Variants in NR5A2 observed in about 807,000 individuals in gnomAD.
NR5A2 encodes the protein CYP7A promoter-binding factor.
Under a neutral mutation model 62.7 loss-of-function variants are expected in NR5A2, and 26 were observed. That is an observed-to-expected ratio of 0.41 (90% CI 0.30 to 0.58). The LOEUF (loss-of-function observed/expected upper bound fraction) is 0.58, where lower values mean the gene tolerates loss of function less well. Ranked by LOEUF, NR5A2 falls within the 20% of genes least tolerant of loss-of-function variation. The pLI, the probability that NR5A2 is intolerant of heterozygous loss-of-function variation, is 0.22. For synonymous variants in NR5A2, 246 were observed against 241.7 expected, an observed-to-expected ratio of 1.02 and a Z score of -0.16; for missense variants, 541 against 669.1, an observed-to-expected ratio of 0.81 and a Z score of 2.11.
intron 7 of NR5A2, among the ~76,000 whole-genome samples, chr1:200,133,504 A>AATATAT (rs1571532437): frequency 9.0e-6 from 1 of 110,720 alleles, no homozygotes; most frequent in East Asian, 2.6e-4. Context: ...TCACTGATGG[A>AATATAT]CTATATATAT....
At chr1:200,126,543 A>G (rs1666707972) in intron 7 of NR5A2, among the ~76,000 whole-genome samples, 1 of 152,202 alleles carries the variant, frequency 6.6e-6, no homozygotes, top group Non-Finnish European at 1.5e-5. Flanking sequence ...AATTGAAAAT[A>G]ATTAGCTAAA....
At chr1:200,129,854 C>T (rs1380664410) in intron 7 of NR5A2, among the ~76,000 whole-genome samples, 1 of 152,136 alleles carries the variant, frequency 6.6e-6, no homozygotes, top group Non-Finnish European at 1.5e-5. Flanking sequence ...GGGCTGTGCT[C>T]AGGATGCCTA....
At position 200,120,891 on chromosome 1, in the gene NR5A2, TC is replaced by T; in HGVS notation, c.1315del (p.Arg439ValfsTer13). On this transcript the variant is annotated frameshift_variant, in exon 7 of 8. Transcript: ENST00000367362. LOFTEE classifies it high-confidence loss of function. Reference sequence around the variant, plus strand: ...ATGCACAGGAGTTAGTGGCAAAACTTCGTTCTCTCCAGTTTGATCAACGAGA... The same window carrying T: ...ATGCACAGGAGTTAGTGGCAAAACTTGTTCTCTCCAGTTTGATCAACGAGA... ...SHAQELVAKL[R>X]SLQFDQREFV... The T allele has an allele frequency of 6.2e-7, 1 of 1,612,752 alleles. No homozygotes were observed. The highest frequency in any genetic ancestry group is 8.5e-7 in the Non-Finnish European group (1 of 1,179,512).
chr1:200,089,452 T>C (rs1376293526), intron 5 of NR5A2, among the ~76,000 whole-genome samples: 2 of 151,740 alleles, frequency 1.3e-5, no homozygotes, highest in African/African-American at 4.8e-5. Context: ...CCACCACACC[T>C]GGCCTGCAAC....
At chr1:200,162,592 A>G (rs1658140718) in intron 7 of NR5A2, among the ~76,000 whole-genome samples, 2 of 152,294 alleles carry the variant, frequency 1.3e-5, no homozygotes, top group South Asian at 4.1e-4. Flanking sequence ...ATGCATTTGG[A>G]GGCGGGGACA....
At chr1:200,036,065 C>T (rs3790850) in intron 1 of NR5A2, among the ~76,000 whole-genome samples, 1 of 151,910 alleles carries the variant, frequency 6.6e-6, no homozygotes, top group Non-Finnish European at 1.5e-5. Context: ...ATGTCCCCGG[C>T]GGAGGATGAG....
chr1:200,090,383 A>T (rs1664760316), intron 5 of NR5A2, among the ~76,000 whole-genome samples: 2 of 152,328 alleles, frequency 1.3e-5, no homozygotes, highest in South Asian at 4.1e-4. Context: ...TATGGTTACA[A>T]ATCAAGCATC....
chr1:200,042,529 T>TC (rs149745417), intron 2 of NR5A2, among the ~76,000 whole-genome samples: 1,800 of 152,276 alleles, frequency 0.012, 39 homozygotes, highest in African/African-American at 0.041. Context: ...TGGCTTTCCA[T>TC]CCCCCACCTG....
At chr1:200,045,665 G>C (rs1353948998) in intron 4 of NR5A2, 81 bp downstream of exon 4, 27 of 1,162,302 alleles carry the variant, frequency 2.3e-5, no homozygotes, top group Non-Finnish European at 3.1e-5. Context: ...TTATAGCATG[G>C]TAACATTATT....
intron 7 of NR5A2, among the ~76,000 whole-genome samples, chr1:200,123,481 A>G (rs1033569022): frequency 3.3e-5 from 5 of 152,188 alleles, no homozygotes; most frequent in Non-Finnish European, 7.3e-5. Flanking sequence ...CATGAAAGCC[A>G]CAGATGCATT....
At chr1:200,117,453 C>T (rs1262567733) in intron 6 of NR5A2, among the ~76,000 whole-genome samples, 3 of 152,102 alleles carry the variant, frequency 2.0e-5, no homozygotes, top group Non-Finnish European at 4.4e-5. Context: ...TGTTGGTAAA[C>T]CAATTGATTT....
At chr1:200,121,882 C>CAAAGTA (rs1448509544) in intron 7 of NR5A2, among the ~76,000 whole-genome samples, 3 of 152,250 alleles carry the variant, frequency 2.0e-5, no homozygotes, top group Admixed American at 2.0e-4. Context: ...AAACAAACTG[C>CAAAGTA]AAAGTAAAAC....
chr1:200,171,752 T>TA (rs1282053925), intron 7 of NR5A2, among the ~76,000 whole-genome samples: 1 of 151,656 alleles, frequency 6.6e-6, no homozygotes, highest in Non-Finnish European at 1.5e-5. Flanking sequence ...TGTCTCAAAA[T>TA]AAAAAAAAGA....
intron 1 of NR5A2, chr1:200,038,832 G>A: frequency 8.7e-7 from 1 of 1,149,140 alleles, no homozygotes; most frequent in Non-Finnish European, 1.1e-6. Flanking sequence ...GGGAGGGGGT[G>A]AGGCGGGGTG....
At chr1:200,169,487 G>GT (rs1654073292) in intron 7 of NR5A2, among the ~76,000 whole-genome samples, 1 of 152,162 alleles carries the variant, frequency 6.6e-6, no homozygotes, top group Admixed American at 6.5e-5. Context: ...GCAGAGAAGA[G>GT]TATCTTCCTC....
At position 200,052,786 on chromosome 1, in the gene NR5A2, T is replaced by C. The variant is rs577614726; in HGVS notation, c.1110+3968T>C. ...CCTCCTGAGTAGCTGGGACTACAGGTGCCTGCCACCACGCCGGCTAATTTT... is the reference window on the plus strand; with the variant it reads ...CCTCCTGAGTAGCTGGGACTACAGGCGCCTGCCACCACGCCGGCTAATTTT... On this transcript the variant is annotated intron_variant, in intron 5 of 7. Coordinates refer to ENST00000367362, the MANE Select transcript of NR5A2 (RefSeq NM_205860.3). Among the ~76,000 whole-genome samples, 426 of 151,616 alleles carry C rather than the reference T, an allele frequency of 2.8e-3. 2 individuals are homozygous for C. The highest frequency in any genetic ancestry group is 0.01 in the Middle Eastern group (3 of 294).
intron 2 of NR5A2, among the ~76,000 whole-genome samples, chr1:200,041,372 T>C (rs754523900): frequency 2.6e-5 from 4 of 152,136 alleles, no homozygotes; most frequent in Non-Finnish European, 5.9e-5. Flanking sequence ...ACTCAGCCCA[T>C]GGTTCGAAAT....
chr1:200,109,109 C>T (rs1384563268), intron 5 of NR5A2, among the ~76,000 whole-genome samples: 2 of 152,190 alleles, frequency 1.3e-5, no homozygotes, highest in African/African-American at 4.8e-5. Context: ...CTTGTCCACC[C>T]TTATATGCTA....
intron 5 of NR5A2, among the ~76,000 whole-genome samples, chr1:200,083,973 TAATA>T (rs1664412229): frequency 1.2e-5 from 1 of 84,168 alleles, no homozygotes; most frequent in African/African-American, 5.2e-5. Context: ...CTCAAAATAA[TAATA>T]ATAATAATAA....
Sources: gnomAD v4.1 joint callset for allele counts (sites outside exome capture counted in the v4.1 genomes callset) on GRCh38, gnomAD v4.1.1 for gene constraint, MANE v1.5 for transcripts, NCBI Gene and HGNC (gene_info 2026-07-23, HGNC 2026-07-21) for gene names.